PCSK5: variants seen among roughly 807,000 people sequenced by gnomAD.
The protein encoded by PCSK5 is proprotein convertase subtilisin/kexin type 5, also known as prohormone convertase 5.
A neutral mutation model predicts 233.2 loss-of-function variants in PCSK5; 129 were observed. That is an observed-to-expected ratio of 0.55 (90% CI 0.48 to 0.64). The LOEUF is 0.64. Among genes scored for constraint, PCSK5 ranks in the 30% least tolerant of loss-of-function variants. The pLI is 0.00. For missense variants in PCSK5, 2,076 were observed against 2,430.1 expected (o/e 0.85, Z 3.06); for synonymous variants, 825 against 879.2 (o/e 0.94, Z 1.09).
At chr9:76,308,897 A>G (rs1381815075) in intron 29 of PCSK5, among the ~76,000 whole-genome samples, 169 bp downstream of exon 29, 1 of 152,176 alleles carries the variant, frequency 6.6e-6, no homozygotes, top group Non-Finnish European at 1.5e-5. Flanking sequence ...ACATTGACCA[A>G]TAATAAAAAC....
At chr9:76,107,965 G>A (rs1832046526) in intron 9 of PCSK5, among the ~76,000 whole-genome samples, 1 of 152,206 alleles carries the variant, frequency 6.6e-6, no homozygotes, top group Non-Finnish European at 1.5e-5. Context: ...TAATAATACA[G>A]ATCTAATATC....
chr9:76,132,541 T>A (rs1460528448), intron 9 of PCSK5, among the ~76,000 whole-genome samples: 2 of 152,098 alleles, frequency 1.3e-5, no homozygotes, highest in Non-Finnish European at 2.9e-5. Context: ...CCTTTTATTT[T>A]TAATCTGAGA....
At chr9:76,128,616 A>T (rs912093855) in intron 9 of PCSK5, among the ~76,000 whole-genome samples, 6 of 152,228 alleles carry the variant, frequency 3.9e-5, no homozygotes, top group African/African-American at 1.4e-4. Flanking sequence ...CTTCAATGAC[A>T]AAATTTTTCT....
intron 13 of PCSK5, among the ~76,000 whole-genome samples, chr9:76,171,539 G>A (rs1401986510): frequency 6.6e-6 from 1 of 152,178 alleles, no homozygotes; most frequent in African/African-American, 2.4e-5. Flanking sequence ...CTGCTCCTAA[G>A]GGCTACTGGT....
At chr9:76,313,839 T>A (rs1458227341) in intron 30 of PCSK5, among the ~76,000 whole-genome samples, 1 of 151,910 alleles carries the variant, frequency 6.6e-6, no homozygotes, top group Non-Finnish European at 1.5e-5. Context: ...GGAGAAAGGG[T>A]AGCAAAGGGT....
At chr9:76,233,291 C>T (rs894969135) in intron 21 of PCSK5, among the ~76,000 whole-genome samples, 169 bp from the exon 22 acceptor site, 2 of 152,122 alleles carry the variant, frequency 1.3e-5, no homozygotes, top group Admixed American at 1.3e-4. Flanking sequence ...AGGATGGGTA[C>T]GTGACTAATA....
Position 75,891,382 on chromosome 9 carries a change from C to G in PCSK5, c.192+9C>G. On this transcript the variant is annotated intron_variant, in intron 1 of 37. Coordinates refer to ENST00000674117, the MANE Select transcript of PCSK5 (RefSeq NM_001372043.1). Reference sequence around the variant, plus strand: ...TCATCAACATAGGACAGGTAACGAACTACAGGCTAGCCCAGCCCTCGGCCC... The same window carrying G: ...TCATCAACATAGGACAGGTAACGAAGTACAGGCTAGCCCAGCCCTCGGCCC... The G allele has an allele frequency of 6.5e-7, 1 of 1,544,128 alleles. No individual in the cohort carries two copies. The highest frequency in any genetic ancestry group is 8.7e-7 in the Non-Finnish European group (1 of 1,151,584).
intron 30 of PCSK5, among the ~76,000 whole-genome samples, chr9:76,313,795 C>A (rs17062428): frequency 0.068 from 10,264 of 152,036 alleles, 375 homozygotes; most frequent in Non-Finnish European, 0.077. Context: ...CTTGATGGTC[C>A]CTAGCTCTTG....
At chr9:76,136,420 A>G (rs1034890018) in intron 10 of PCSK5, among the ~76,000 whole-genome samples, 5 of 152,010 alleles carry the variant, frequency 3.3e-5, no homozygotes, top group African/African-American at 1.2e-4. Context: ...ATAAAGAGCT[A>G]ATGGTTAGAA....
intron 8 of PCSK5, among the ~76,000 whole-genome samples, chr9:76,105,989 C>T (rs182193383): frequency 2.6e-5 from 4 of 152,348 alleles, no homozygotes; most frequent in Admixed American, 2.0e-4. Context: ...GAGAGTCTGT[C>T]TCTAAGGAGC....
At chr9:76,040,758 T>C (rs1461214985) in intron 5 of PCSK5, among the ~76,000 whole-genome samples, 1 of 152,210 alleles carries the variant, frequency 6.6e-6, no homozygotes, top group African/African-American at 2.4e-5. Context: ...AAACAATGTT[T>C]AATTCATGGA....
chr9:75,908,684 T>C (rs368945788), intron 1 of PCSK5, among the ~76,000 whole-genome samples: 63 of 152,306 alleles, frequency 4.1e-4, no homozygotes, highest in African/African-American at 1.5e-3. Context: ...TCTCACTATG[T>C]TCTACAAAGC....
chr9:76,243,768 G>C (rs1396661059), intron 24 of PCSK5, among the ~76,000 whole-genome samples: 1 of 151,902 alleles, frequency 6.6e-6, no homozygotes, highest in Non-Finnish European at 1.5e-5. Flanking sequence ...TAATAAATAT[G>C]AATTAATGCA....
intron 7 of PCSK5, among the ~76,000 whole-genome samples, chr9:76,085,737 G>A (rs1478873433): frequency 2.0e-5 from 3 of 152,208 alleles, no homozygotes; most frequent in Non-Finnish European, 4.4e-5. Flanking sequence ...ACTTCATGTA[G>A]TAGAGGCGTG....
At chr9:76,108,871 G>A (rs979451143) in intron 9 of PCSK5, among the ~76,000 whole-genome samples, 4 of 152,166 alleles carry the variant, frequency 2.6e-5, no homozygotes, top group Non-Finnish European at 5.9e-5. Context: ...TGAATATAAC[G>A]TGGATACAGC....
chr9:76,124,365 A>G (rs942739521), intron 9 of PCSK5, among the ~76,000 whole-genome samples: 7 of 152,206 alleles, frequency 4.6e-5, no homozygotes, highest in Admixed American at 3.9e-4. Context: ...TCCTCAGAGC[A>G]AGGTAAAGCT....
At chr9:75,918,780 A>G (rs1388353120) in intron 1 of PCSK5, among the ~76,000 whole-genome samples, 1 of 152,222 alleles carries the variant, frequency 6.6e-6, no homozygotes, top group Non-Finnish European at 1.5e-5. Flanking sequence ...TGCTTTTTGC[A>G]CTGTATAATT....
In PCSK5 at chr9:76,068,003, G is replaced by C. The variant is rs780700561; in HGVS notation, c.681G>C (p.Ser227=). 5.6e-6 allele frequency: 9 copies of C among 1,613,836 alleles called. No homozygotes were observed. The African/African-American group carries it at 1.1e-4, about 19-fold the overall frequency. The change falls in exon 6 of 38, where the codon TCG becomes TCC. Residue 227 remains serine (S), a synonymous_variant. Coordinates refer to ENST00000674117, the MANE Select transcript of PCSK5 (RefSeq NM_001372043.1). The part of the protein sequence containing the change: ...AGEVAAAANN[S]HCTVGIAFNA... ...AAGTGGCAGCCGCTGCAAACAATTC[G>C]CACTGCACAGTCGGAATTGCTTTCA...
chr9:76,150,527 G>A (rs1312538650), intron 10 of PCSK5, among the ~76,000 whole-genome samples: 1 of 152,140 alleles, frequency 6.6e-6, no homozygotes, highest in Non-Finnish European at 1.5e-5. Flanking sequence ...CAGCTACTGG[G>A]GAGGCTGAGG....
Sources: gnomAD v4.1 joint callset for allele counts (sites outside exome capture counted in the v4.1 genomes callset) on GRCh38, gnomAD v4.1.1 for gene constraint, MANE v1.5 for transcripts, NCBI Gene and HGNC (gene_info 2026-07-23, HGNC 2026-07-21) for gene names.